The following AXDND1 variants were observed in gnomAD, a reference collection of about 807,000 sequenced individuals.
AXDND1 encodes the protein axonemal dynein light chain domain-containing protein 1.
AXDND1 carries 110 observed loss-of-function variants against 137.5 expected under a neutral mutation model. The ratio of observed to expected loss-of-function variants is 0.80; its 90% CI spans 0.69 to 0.94. AXDND1 has a LOEUF of 0.94. Among genes scored for constraint, AXDND1 ranks in the 40% least tolerant of loss-of-function variants. The probability of loss-of-function intolerance (pLI) is 0.00; values close to 1 mark genes in which losing one functional copy is unlikely to be tolerated. For missense variants in AXDND1, 1,191 were observed against 1,169.8 expected, an observed-to-expected ratio of 1.02 and a Z score of -0.26; for synonymous variants, 414 against 399.7, an observed-to-expected ratio of 1.04 and a Z score of -0.43.
chr1:179,421,660 G>A (rs1285253869), intron 12 of AXDND1, among the ~76,000 whole-genome samples: 2 of 151,808 alleles, frequency 1.3e-5, no homozygotes, highest in Admixed American at 6.6e-5. Flanking sequence ...GGGATTACAG[G>A]TGTGAGCCAC....
At chr1:179,458,735 GA>G (rs369917828) in intron 16 of AXDND1, among the ~76,000 whole-genome samples, 9,530 of 151,496 alleles carry the variant, frequency 0.063, 355 homozygotes, top group African/African-American at 0.071. Context: ...AATATCCCTA[GA>G]AAAAAACTAC....
intron 12 of AXDND1, among the ~76,000 whole-genome samples, chr1:179,418,485 A>G (rs902372158): frequency 6.6e-6 from 1 of 152,136 alleles, no homozygotes; most frequent in African/African-American, 2.4e-5. Context: ...ATCATGGCCC[A>G]TTCTCAATGA....
chr1:179,457,313 A>G (rs1212639366), intron 16 of AXDND1: 1 of 624,452 alleles, frequency 1.6e-6, no homozygotes, highest in East Asian at 2.7e-5. Context: ...TGGGCTCTTT[A>G]GGAGACTCTG....
intron 21 of AXDND1, among the ~76,000 whole-genome samples, chr1:179,519,902 G>GT (rs1339576073): frequency 6.6e-6 from 1 of 152,054 alleles, no homozygotes; most frequent in African/African-American, 2.4e-5. Context: ...TTTTAAAATA[G>GT]TTTTTTTCTA....
chr1:179,415,489 AT>A (rs1654556412), intron 12 of AXDND1, among the ~76,000 whole-genome samples: 1 of 152,234 alleles, frequency 6.6e-6, no homozygotes, highest in Admixed American at 6.5e-5. Flanking sequence ...TTTCAAAAAA[AT>A]AGTAGCTTTT....
At chr1:179,406,871 G>A (rs1203161486) in intron 11 of AXDND1, among the ~76,000 whole-genome samples, 1 of 152,082 alleles carries the variant, frequency 6.6e-6, no homozygotes. Context: ...ATTATTGATA[G>A]GTGAGGACTT....
intron 4 of AXDND1, among the ~76,000 whole-genome samples, chr1:179,375,606 C>CAT (rs1000300744): frequency 7.8e-6 from 1 of 127,742 alleles, no homozygotes; most frequent in Admixed American, 8.5e-5. Context: ...AATATATGCA[C>CAT]ATGTGTGTAT....
Position 179,366,874 on chromosome 1 carries a change from ATAGT to A in AXDND1, c.97+271_97+274del, listed in dbSNP as rs1667476762. Among the ~76,000 whole-genome samples, 3 of 152,348 alleles carry A rather than the reference ATAGT, an allele frequency of 2.0e-5. No individual in the cohort carries two copies. The South Asian group carries it at 6.2e-4, about 32-fold the overall frequency. On this transcript the variant is annotated intron_variant, in intron 2 of 25. Transcript: ENST00000367618. ...TAAATTCAACCTATTTTAAATATCAATAGTTACGTATTTTTTGGTTCCTGGTCTT... is the reference window on the plus strand; with the variant it reads ...TAAATTCAACCTATTTTAAATATCAATACGTATTTTTTGGTTCCTGGTCTT...
rs1020927481 is a variant in AXDND1 at position 179,554,579 on chromosome 1, G to A, written c.*60G>A. On this transcript the variant is annotated 3_prime_UTR_variant, in exon 26 of 26. Coordinates refer to ENST00000367618, the MANE Select transcript of AXDND1 (RefSeq NM_144696.6). Reference sequence around the variant, plus strand: ...GTCAGTGGGAGCCTCCAGGTGGGAGGAGAGCATGCCTAAACCCTGGTGGCC... The same window carrying A: ...GTCAGTGGGAGCCTCCAGGTGGGAGAAGAGCATGCCTAAACCCTGGTGGCC... 5.6e-6 allele frequency: 9 copies of A among 1,613,454 alleles called. No individual in the cohort carries two copies. The Admixed American group carries it at 8.3e-5, about 15-fold the overall frequency.
At chr1:179,458,350 A>G (rs1661721626) in intron 16 of AXDND1, among the ~76,000 whole-genome samples, 1 of 152,168 alleles carries the variant, frequency 6.6e-6, no homozygotes, top group Admixed American at 6.5e-5. Context: ...TATAATTTTA[A>G]GATTCTTAAA....
intron 11 of AXDND1, among the ~76,000 whole-genome samples, chr1:179,398,919 C>T (rs1046998834): frequency 5.3e-5 from 8 of 152,030 alleles, no homozygotes; most frequent in Non-Finnish European, 1.0e-4. Context: ...ATATCAGTGG[C>T]AGGGCAGGGT....
intron 4 of AXDND1, among the ~76,000 whole-genome samples, chr1:179,370,280 G>A (rs6666455): frequency 0.33 from 49,431 of 152,076 alleles, 8,468 homozygotes; most frequent in Middle Eastern, 0.44. Flanking sequence ...ATGGAAATAG[G>A]TGCTGGCTTT....
chr1:179,395,184 A>T lies in AXDND1; in HGVS notation c.1091A>T (p.Asn364Ile), dbSNP rs1650852386. Residue 364 changes from asparagine (N) to isoleucine (I), a missense_variant, in exon 11 of 26, where the codon AAT becomes ATT. Asn to Ile is a moderately radical substitution (Grantham distance 149). Coordinates refer to ENST00000367618, the MANE Select transcript of AXDND1 (RefSeq NM_144696.6). ...AAGGATTTGGCACAAGCTCTTTTAA[A>T]TGCGGAAAAGAATGCCAAGTGAGTT... ...AHKDLAQALLNAEKNAKIVEE... is the reference protein window; with the variant it reads ...AHKDLAQALLIAEKNAKIVEE... 1.2e-6 allele frequency: 2 copies of T among 1,612,804 alleles called. No homozygotes were observed. The highest frequency in any genetic ancestry group is 1.3e-5 in the African/African-American group (1 of 74,866).
chr1:179,390,595 A>G (rs1650003302), intron 9 of AXDND1, among the ~76,000 whole-genome samples: 1 of 152,212 alleles, frequency 6.6e-6, no homozygotes, highest in South Asian at 2.1e-4. Flanking sequence ...CATCGTTTCT[A>G]GTCTCAAAGA....
chr1:179,381,944 T>A (rs79669761), intron 6 of AXDND1, among the ~76,000 whole-genome samples: 6 of 4,066 alleles, frequency 1.5e-3, no homozygotes, highest in African/African-American at 4.0e-3. Flanking sequence ...CCACACCTAA[T>A]TTTTTTTTTT....
intron 17 of AXDND1, among the ~76,000 whole-genome samples, chr1:179,474,006 C>G (rs1328662358): frequency 6.6e-6 from 1 of 152,094 alleles, no homozygotes; most frequent in Admixed American, 6.5e-5. Context: ...GGCGGATCAC[C>G]TGAGGTCAGG....
intron 11 of AXDND1, among the ~76,000 whole-genome samples, chr1:179,401,988 G>T (rs1315581571): frequency 6.6e-6 from 1 of 152,042 alleles, no homozygotes; most frequent in South Asian, 2.1e-4. Context: ...CCTGGCCAAC[G>T]TGGTGAAACC....
chr1:179,462,405 C>T (rs1042600386), intron 16 of AXDND1, among the ~76,000 whole-genome samples: 2 of 152,154 alleles, frequency 1.3e-5, no homozygotes, highest in South Asian at 2.1e-4. Context: ...CCAGCTTCAT[C>T]GTGGTGGATA....
Position 179,488,632 on chromosome 1 carries a change from C to CTT in AXDND1, c.2092-2905_2092-2904insTT, listed in dbSNP as rs750489813. On this transcript the variant is annotated intron_variant, in intron 18 of 25. Coordinates refer to ENST00000367618, the MANE Select transcript of AXDND1 (RefSeq NM_144696.6). ...TCTTTCTTTCTTTCTCTCTCTCTCT[C>CTT]TCCTTTCTTTCTTTCTTTCTTTCTT... Among the ~76,000 whole-genome samples the CTT allele has an allele frequency of 2.4e-3, 150 of 63,154 alleles. 18 individuals carry two copies. The highest frequency in any genetic ancestry group is 6.4e-3 in the East Asian group (15 of 2,340). 41.4% of individuals were successfully genotyped at this position (63,154 alleles called of 152,430 possible).
Sources: allele counts gnomAD v4.1 joint callset (sites outside exome capture counted in the v4.1 genomes callset), GRCh38; gene constraint gnomAD v4.1.1; transcripts MANE v1.5; gene names NCBI Gene and HGNC (gene_info 2026-07-23, HGNC 2026-07-21).